AOPEP: variants seen among roughly 807,000 people sequenced by gnomAD.
AOPEP encodes aminopeptidase O.
A neutral mutation model predicts 98.1 loss-of-function variants in AOPEP; 77 were observed. The ratio of observed to expected loss-of-function variants is 0.78; its 90% CI spans 0.65 to 0.95. The LOEUF (loss-of-function observed/expected upper bound fraction) is 0.95, where lower values mean the gene tolerates loss of function less well. Among genes scored for constraint, AOPEP ranks in the 40% least tolerant of loss-of-function variants. The probability of loss-of-function intolerance (pLI) is 0.00; values close to 1 mark genes in which losing one functional copy is unlikely to be tolerated. For synonymous variants in AOPEP, 346 were observed against 365.3 expected, an observed-to-expected ratio of 0.95 and a Z score of 0.60; for missense variants, 1,024 against 1,024.7, an observed-to-expected ratio of 1.00 and a Z score of 0.01.
At chr9:94,934,315 C>CATTTTTTTTTTTTTTTT (rs2055892386) in intron 7 of AOPEP, among the ~76,000 whole-genome samples, 1 of 116,742 alleles carries the variant, frequency 8.6e-6, no homozygotes, top group African/African-American at 4.0e-5. Flanking sequence ...CTTCTCCCAT[C>CATTTTTTTTTTTTTTTT]TTTTTTTTTT....
At chr9:94,783,837 C>A (rs925067020) in intron 3 of AOPEP, among the ~76,000 whole-genome samples, 3 of 152,020 alleles carry the variant, frequency 2.0e-5, no homozygotes, top group Non-Finnish European at 4.4e-5. Context: ...CCAAAGTAAT[C>A]ATAACATATA....
intron 1 of AOPEP, among the ~76,000 whole-genome samples, chr9:94,750,848 C>T (rs1259225193): frequency 4.7e-5 from 7 of 149,172 alleles, no homozygotes; most frequent in African/African-American, 1.2e-4. Flanking sequence ...CCTGGGTTCA[C>T]GCCATTCTCC....
the AOPEP span, among the ~76,000 whole-genome samples, chr9:95,136,235 AT>A: frequency 7.3e-5 from 11 of 150,932 alleles, no homozygotes; most frequent in East Asian, 5.8e-4. Context: ...ACAAAAAAAA[AT>A]TTTTTTTTTA....
chr9:95,100,161 A>ATGTT, the AOPEP span: 2 of 232,772 alleles, frequency 8.6e-6, no homozygotes, highest in East Asian at 1.2e-4. Flanking sequence ...CTGACGAAGC[A>ATGTT]TGTTTGTTAT....
At chr9:95,107,426 AC>A in the AOPEP span, 1 of 760,768 alleles carries the variant, frequency 1.3e-6, no homozygotes, top group Admixed American at 2.1e-5. Context: ...ACTCGATTTC[AC>A]ACAAACCCAA....
At chr9:95,119,240 G>A in the AOPEP span, among the ~76,000 whole-genome samples, 3 of 152,002 alleles carry the variant, frequency 2.0e-5, no homozygotes, top group Admixed American at 6.6e-5. Context: ...TTAAAAACTG[G>A]TTTCTTAGGC....
chr9:94,820,795 C>A (rs1203184125), intron 5 of AOPEP, among the ~76,000 whole-genome samples: 1 of 152,166 alleles, frequency 6.6e-6, no homozygotes, highest in Non-Finnish European at 1.5e-5. Flanking sequence ...AATATCAGCA[C>A]TTTTGCGTAG....
intron 7 of AOPEP, among the ~76,000 whole-genome samples, chr9:94,952,977 C>A (rs576330197): frequency 9.2e-5 from 14 of 152,208 alleles, no homozygotes; most frequent in Non-Finnish European, 1.8e-4. Context: ...AACCTGGAAG[C>A]CAGCCTTCTG....
intron 5 of AOPEP, among the ~76,000 whole-genome samples, chr9:94,811,561 C>T (rs528557916): frequency 3.7e-4 from 57 of 152,332 alleles, no homozygotes; most frequent in Middle Eastern, 3.4e-3. Context: ...TGGCTTCAAA[C>T]CATTTATCCT....
intron 5 of AOPEP, among the ~76,000 whole-genome samples, chr9:94,895,219 TA>T (rs907258167): frequency 3.1e-4 from 19 of 60,618 alleles, no homozygotes; most frequent in African/African-American, 7.9e-4. Flanking sequence ...TCATCTCTAC[TA>T]AAAAAAAATA....
At chr9:95,053,048 G>C (rs2066519436) in intron 13 of AOPEP, among the ~76,000 whole-genome samples, 1 of 151,990 alleles carries the variant, frequency 6.6e-6, no homozygotes. Context: ...GAAACCCCTG[G>C]TTTCCAGTTG....
In AOPEP at chr9:94,765,792, T is replaced by G. The variant is rs151245919; in HGVS notation, c.797+5212T>G. 9.5e-3 allele frequency among the ~76,000 whole-genome samples: 1,439 copies of G among 152,272 alleles called. 9 individuals carry two copies. Among genetic ancestry groups the G allele is most frequent in the Non-Finnish European group, 0.015 (1,037 of 68,014 alleles). The stretch of plus-strand genomic sequence containing the variant: ...TATCATTATTATTCTACTTCTAATA[T>G]GAAATATCTGGAAATAGAAAACTCA... On this transcript the variant is annotated intron_variant, in intron 2 of 16. Transcript: ENST00000375315.
the AOPEP span, among the ~76,000 whole-genome samples, chr9:95,133,769 G>A: frequency 9.2e-5 from 14 of 152,324 alleles, no homozygotes; most frequent in South Asian, 2.5e-3. Context: ...AAAGGGACCA[G>A]AGAAACTGAA....
intron 3 of AOPEP, among the ~76,000 whole-genome samples, chr9:94,791,148 A>G (rs1280981100): frequency 6.6e-6 from 1 of 152,180 alleles, no homozygotes; most frequent in Non-Finnish European, 1.5e-5. Context: ...ACCATAGAAT[A>G]CTATGCAGTC....
chr9:94,747,261 A>G (rs775714906), intron 1 of AOPEP, among the ~76,000 whole-genome samples: 9 of 152,218 alleles, frequency 5.9e-5, no homozygotes, highest in Non-Finnish European at 1.3e-4. Context: ...GTAATCCTGC[A>G]AAGTGCTACA....
chr9:95,042,864 G>A (rs1587754364), intron 13 of AOPEP, among the ~76,000 whole-genome samples: 1 of 152,152 alleles, frequency 6.6e-6, no homozygotes, highest in African/African-American at 2.4e-5. Flanking sequence ...CCTTTTGCCA[G>A]GTAATGTGGC....
At chr9:95,123,207 G>A in the AOPEP span, 2 of 203,112 alleles carry the variant, frequency 9.8e-6, no homozygotes, top group Non-Finnish European at 2.0e-5. Flanking sequence ...GGAGGCTGAG[G>A]TGGGGGGATC....
intron 3 of AOPEP, among the ~76,000 whole-genome samples, chr9:94,778,457 AT>A (rs2133068975): frequency 6.6e-6 from 1 of 151,064 alleles, no homozygotes; most frequent in African/African-American, 2.4e-5. Flanking sequence ...AAAAAAAAAA[AT>A]AGCTAGTGAC....
At chr9:95,066,830 C>T (rs899899848) in intron 14 of AOPEP, among the ~76,000 whole-genome samples, 1 of 152,086 alleles carries the variant, frequency 6.6e-6, no homozygotes, top group Admixed American at 6.5e-5. Context: ...CATTGTGTGT[C>T]CAAAGGCTTC....
Sources: gnomAD v4.1 joint callset for allele counts (sites outside exome capture counted in the v4.1 genomes callset) on GRCh38, gnomAD v4.1.1 for gene constraint, MANE v1.5 for transcripts, NCBI Gene and HGNC (gene_info 2026-07-23, HGNC 2026-07-21) for gene names.